The following ARHGAP42 variants were observed in gnomAD, a reference collection of about 807,000 sequenced individuals.
ARHGAP42 encodes Rho GTPase activating protein 42.
Under a neutral mutation model 125.0 loss-of-function variants are expected in ARHGAP42, and 63 were observed. The ratio of observed to expected loss-of-function variants is 0.50; its 90% CI spans 0.41 to 0.62. ARHGAP42 has a LOEUF of 0.62. Among genes scored for constraint, ARHGAP42 ranks in the 20% least tolerant of loss-of-function variants. The probability of loss-of-function intolerance (pLI) is 0.00; values close to 1 mark genes in which losing one functional copy is unlikely to be tolerated. For missense variants in ARHGAP42, 766 were observed against 1,024.2 expected (o/e 0.75, Z 3.44); for synonymous variants, 339 against 351.0 (o/e 0.97, Z 0.38).
intron 21 of ARHGAP42, 139 bp downstream of exon 21, chr11:100,977,110 G>T: frequency 1.0e-6 from 1 of 960,582 alleles, no homozygotes; most frequent in Non-Finnish European, 1.5e-6. Flanking sequence ...GTCCACTTCT[G>T]TAAGACTCTA....
At chr11:100,855,979 T>C (rs1317271443) in intron 3 of ARHGAP42, among the ~76,000 whole-genome samples, 1 of 152,070 alleles carries the variant, frequency 6.6e-6, no homozygotes, top group East Asian at 1.9e-4. Context: ...TATCAATATT[T>C]AGGGAGAGTC....
intron 3 of ARHGAP42, among the ~76,000 whole-genome samples, chr11:100,822,655 G>A (rs1864429932): frequency 6.6e-6 from 1 of 152,158 alleles, no homozygotes; most frequent in Admixed American, 6.6e-5. Flanking sequence ...TTTGAGAGCA[G>A]TGATATTCTA....
intron 1 of ARHGAP42, among the ~76,000 whole-genome samples, chr11:100,730,366 T>C (rs1428933907): frequency 6.6e-6 from 1 of 152,234 alleles, no homozygotes; most frequent in Non-Finnish European, 1.5e-5. Flanking sequence ...CGCAGAGGTA[T>C]GCATGGCTAT....
At chr11:100,827,388 C>T (rs990677179) in intron 3 of ARHGAP42, among the ~76,000 whole-genome samples, 2 of 152,166 alleles carry the variant, frequency 1.3e-5, no homozygotes, top group African/African-American at 4.8e-5. Flanking sequence ...GTTGTGGGGT[C>T]ATGGTAGTCT....
chr11:100,805,076 C>A (rs149006673), intron 3 of ARHGAP42, among the ~76,000 whole-genome samples: 1 of 152,174 alleles, frequency 6.6e-6, no homozygotes, highest in Non-Finnish European at 1.5e-5. Context: ...TCATGTGTTT[C>A]AACTAATTTA....
chr11:100,946,955 T>A (rs10791434), intron 10 of ARHGAP42, among the ~76,000 whole-genome samples: 133,520 of 151,348 alleles, frequency 0.88, 58,987 homozygotes, highest in East Asian at 1. Flanking sequence ...ACATCAAGGT[T>A]TGCCTGTATC....
At chr11:100,841,538 T>A (rs1864947063) in intron 3 of ARHGAP42, among the ~76,000 whole-genome samples, 1 of 152,204 alleles carries the variant, frequency 6.6e-6, no homozygotes, top group African/African-American at 2.4e-5. Flanking sequence ...ATAATCACAT[T>A]CTGCATTTCT....
Position 100,991,331 on chromosome 11 carries a change from G to A in ARHGAP42, c.*2530G>A, listed in dbSNP as rs1858826736. ...ATCACACAGAATGTTAATTCCACAG[G>A]AAGGCAATGCCAGACATTGAAAGAG... On this transcript the variant is annotated 3_prime_UTR_variant, in exon 24 of 24. Transcript: ENST00000298815. 1 of 152,128 alleles carries A rather than the reference G, an allele frequency of 6.6e-6. No individual in the cohort carries two copies. The highest frequency in any genetic ancestry group is 2.1e-4 in the South Asian group (1 of 4,824). The allele number at this position is 152,128 out of a possible 1,614,324, so 9.4% of individuals were successfully genotyped here. A position where few individuals can be genotyped will look rare whatever the true frequency, so the allele number is the denominator to read the frequency against.
At chr11:100,889,298 G>A (rs963811247) in intron 4 of ARHGAP42, among the ~76,000 whole-genome samples, 2 of 152,146 alleles carry the variant, frequency 1.3e-5, no homozygotes, top group African/African-American at 4.8e-5. Flanking sequence ...AGGCATCTGG[G>A]TTATGAGGGC....
intron 13 of ARHGAP42, among the ~76,000 whole-genome samples, chr11:100,960,397 T>G (rs1298470529): frequency 6.6e-6 from 1 of 152,140 alleles, no homozygotes; most frequent in Non-Finnish European, 1.5e-5. Context: ...CAGTTAAACT[T>G]TAAACTCACT....
At chr11:100,985,908 C>T (rs1858666935) in intron 22 of ARHGAP42, among the ~76,000 whole-genome samples, 1 of 152,200 alleles carries the variant, frequency 6.6e-6, no homozygotes, top group Non-Finnish European at 1.5e-5. Flanking sequence ...TAATGTAATG[C>T]TGCTGCTTTG....
At chr11:100,719,282 A>T (rs1216692255) in intron 1 of ARHGAP42, among the ~76,000 whole-genome samples, 1 of 152,222 alleles carries the variant, frequency 6.6e-6, no homozygotes, top group African/African-American at 2.4e-5. Flanking sequence ...ATATTAATTG[A>T]TAACTTTCAA....
intron 22 of ARHGAP42, among the ~76,000 whole-genome samples, chr11:100,984,043 G>A (rs1402637967): frequency 2.0e-5 from 3 of 151,786 alleles, no homozygotes; most frequent in Admixed American, 6.6e-5. Context: ...CCTGAGCTCC[G>A]GAAGTCGAGA....
intron 2 of ARHGAP42, among the ~76,000 whole-genome samples, chr11:100,780,449 G>A (rs2135009320): frequency 6.6e-6 from 1 of 152,274 alleles, no homozygotes; most frequent in Admixed American, 6.5e-5. Context: ...AAAATGTATT[G>A]GTAACCCCAA....
At chr11:100,794,076 A>C (rs1463074625) in intron 2 of ARHGAP42, among the ~76,000 whole-genome samples, 1 of 10,424 alleles carries the variant, frequency 9.6e-5, no homozygotes, top group South Asian at 3.0e-3. Flanking sequence ...ACCCTGTCTC[A>C]AAAAAAAAAA....
chr11:100,787,468 C>T (rs771706556), intron 2 of ARHGAP42, among the ~76,000 whole-genome samples: 18 of 152,072 alleles, frequency 1.2e-4, no homozygotes, highest in Non-Finnish European at 1.2e-4. Flanking sequence ...TTCTTTATAG[C>T]AGTGTGAAAA....
At chr11:100,747,832 T>A (rs941979065) in intron 1 of ARHGAP42, among the ~76,000 whole-genome samples, 1 of 34,032 alleles carries the variant, frequency 2.9e-5, no homozygotes, top group South Asian at 6.4e-4. Flanking sequence ...CTTTTATAAC[T>A]TTTTTTTCAC....
intron 1 of ARHGAP42, among the ~76,000 whole-genome samples, chr11:100,707,895 T>C (rs914895408): frequency 2.5e-4 from 38 of 152,212 alleles, no homozygotes; most frequent in African/African-American, 9.2e-4. Context: ...TTCTTTTGTG[T>C]GTTCCATAGA....
chr11:100,988,152 C>A (rs17727449), intron 23 of ARHGAP42, among the ~76,000 whole-genome samples: 13,915 of 152,064 alleles, frequency 0.092, 918 homozygotes, highest in Non-Finnish European at 0.13. Context: ...TTTTAAAATT[C>A]CCTCTGGATT....
Sources: allele counts gnomAD v4.1 joint callset (sites outside exome capture counted in the v4.1 genomes callset), GRCh38; gene constraint gnomAD v4.1.1; transcripts MANE v1.5; gene names NCBI Gene and HGNC (gene_info 2026-07-23, HGNC 2026-07-21).